Variants in RGS6 observed in about 807,000 individuals in gnomAD.
RGS6 encodes regulator of G-protein signaling 6.
Under a neutral mutation model 78.5 loss-of-function variants are expected in RGS6, and 30 were observed. The ratio of observed to expected loss-of-function variants is 0.38; its 90% CI spans 0.29 to 0.52. RGS6 has a LOEUF of 0.52. RGS6 is among the 20% of genes least tolerant of loss of function. The pLI, the probability that RGS6 is intolerant of heterozygous loss-of-function variation, is 0.85. For synonymous variants in RGS6, 206 were observed against 206.0 expected (o/e 1.00, Z 0.00); for missense variants, 495 against 609.7 (o/e 0.81, Z 1.98).
chr14:72,447,968 T>C (rs1555406045), intron 3 of RGS6, among the ~76,000 whole-genome samples: 2 of 152,224 alleles, frequency 1.3e-5, no homozygotes, highest in Admixed American at 6.5e-5. Flanking sequence ...CCTCCCGCAG[T>C]GTACTGTTCT....
intron 2 of RGS6, among the ~76,000 whole-genome samples, chr14:72,034,292 G>A (rs2091356086): frequency 1.3e-5 from 2 of 152,166 alleles, no homozygotes; most frequent in South Asian, 4.1e-4. Context: ...TAAGTTTGAT[G>A]TTAGCTGTGG....
At chr14:72,405,792 G>A (rs1478814663) in intron 3 of RGS6, among the ~76,000 whole-genome samples, 1 of 152,182 alleles carries the variant, frequency 6.6e-6, no homozygotes, top group Non-Finnish European at 1.5e-5. Context: ...CCTGGCAGGG[G>A]CCTTCTTTGG....
the RGS6 span, among the ~76,000 whole-genome samples, chr14:71,872,948 A>G: frequency 1.3e-5 from 2 of 152,216 alleles, no homozygotes; most frequent in Non-Finnish European, 2.9e-5. Flanking sequence ...AACTTCATCC[A>G]TGACCCTACA....
At chr14:72,159,104 C>G (rs1036523757) in intron 2 of RGS6, among the ~76,000 whole-genome samples, 23 of 152,188 alleles carry the variant, frequency 1.5e-4, no homozygotes, top group Non-Finnish European at 2.2e-4. Flanking sequence ...AACTATTTAA[C>G]AAACTACGAA....
At chr14:72,602,529 C>T in the RGS6 span, among the ~76,000 whole-genome samples, 1 of 152,196 alleles carries the variant, frequency 6.6e-6, no homozygotes, top group African/African-American at 2.4e-5. Context: ...CAAGGGTTCT[C>T]AGGCCCCAAA....
intron 3 of RGS6, among the ~76,000 whole-genome samples, chr14:72,418,834 T>C (rs866316510): frequency 2.6e-5 from 4 of 152,206 alleles, no homozygotes; most frequent in African/African-American, 9.6e-5. Flanking sequence ...TAGCACCATA[T>C]AGATAAGAGG....
chr14:72,241,887 C>T (rs138470670), intron 2 of RGS6, among the ~76,000 whole-genome samples: 7 of 152,310 alleles, frequency 4.6e-5, no homozygotes, highest in Admixed American at 1.3e-4. Flanking sequence ...TGTCTTACTG[C>T]GGCCATGCCA....
chr14:72,393,739 C>T (rs1330174943), intron 3 of RGS6, among the ~76,000 whole-genome samples: 1 of 152,178 alleles, frequency 6.6e-6, no homozygotes, highest in African/African-American at 2.4e-5. Flanking sequence ...GGTCATTCGC[C>T]TACAGCCTTA....
chr14:72,245,502 C>T (rs2053999773), intron 2 of RGS6, among the ~76,000 whole-genome samples: 1 of 152,240 alleles, frequency 6.6e-6, no homozygotes, highest in Admixed American at 6.5e-5. Flanking sequence ...CAGGATCACG[C>T]CCTTAAGACA....
chr14:72,619,441 C>A, the RGS6 span: 10 of 1,466,798 alleles, frequency 6.8e-6, no homozygotes, highest in Admixed American at 1.8e-4. Flanking sequence ...GCCCTAACTT[C>A]TTGTAAATCC....
chr14:72,325,468 A>AT (rs1325835073), intron 2 of RGS6, among the ~76,000 whole-genome samples: 1 of 150,704 alleles, frequency 6.6e-6, no homozygotes, highest in Admixed American at 6.6e-5. Context: ...GTTTTCTTCT[A>AT]GGGTTTTTTT....
chr14:72,371,947 G>T (rs8003401), intron 3 of RGS6, among the ~76,000 whole-genome samples: 5,837 of 152,190 alleles, frequency 0.038, 197 homozygotes, highest in Middle Eastern at 0.12. Flanking sequence ...ATCATCGGTC[G>T]CAGCATGGAA....
chr14:72,473,312 C>T (rs1027416404), intron 9 of RGS6, among the ~76,000 whole-genome samples: 5 of 152,184 alleles, frequency 3.3e-5, no homozygotes, highest in Admixed American at 6.5e-5. Context: ...GGCGTGGTGG[C>T]AGGCACCTGT....
At chr14:72,334,586 G>T (rs930905423) in intron 2 of RGS6, among the ~76,000 whole-genome samples, 2 of 152,182 alleles carry the variant, frequency 1.3e-5, no homozygotes, top group African/African-American at 4.8e-5. Context: ...GGGAGATGAG[G>T]GATGTCCGCC....
intron 2 of RGS6, among the ~76,000 whole-genome samples, chr14:72,257,481 G>A (rs2057313152): frequency 6.6e-6 from 1 of 152,098 alleles, no homozygotes; most frequent in Non-Finnish European, 1.5e-5. Context: ...GCATGTCACT[G>A]GGGACCCCAA....
At chr14:72,198,186 C>T (rs1234919903) in intron 2 of RGS6, among the ~76,000 whole-genome samples, 1 of 151,990 alleles carries the variant, frequency 6.6e-6, no homozygotes, top group Non-Finnish European at 1.5e-5. Context: ...CATGGCGAAA[C>T]CCCATCTCTA....
intron 3 of RGS6, among the ~76,000 whole-genome samples, chr14:72,446,992 C>T (rs1173713563): frequency 6.6e-6 from 1 of 152,044 alleles, no homozygotes; most frequent in Non-Finnish European, 1.5e-5. Flanking sequence ...CCTAACAGGC[C>T]AGGGACCATT....
At chr14:72,049,461 A>T (rs578232326) in intron 2 of RGS6, among the ~76,000 whole-genome samples, 1 of 152,182 alleles carries the variant, frequency 6.6e-6, no homozygotes, top group Non-Finnish European at 1.5e-5. Flanking sequence ...GTCTCTCGTG[A>T]TATCTACCTT....
intron 2 of RGS6, among the ~76,000 whole-genome samples, chr14:72,080,351 C>A (rs2094767096): frequency 6.6e-6 from 1 of 151,860 alleles, no homozygotes; most frequent in Admixed American, 6.6e-5. Context: ...CTATTGAGGT[C>A]CTTTGCCCAT....
Sources: allele counts gnomAD v4.1 joint callset (sites outside exome capture counted in the v4.1 genomes callset), GRCh38; gene constraint gnomAD v4.1.1; transcripts MANE v1.5; gene names NCBI Gene and HGNC (gene_info 2026-07-23, HGNC 2026-07-21).